The following ZMIZ1 variants were observed in gnomAD, a reference collection of about 807,000 sequenced individuals.
The protein encoded by ZMIZ1 is zinc finger MIZ-type containing 1.
In ZMIZ1, 17 loss-of-function variants were observed where a neutral mutation model predicts 113.9. The ratio of observed to expected loss-of-function variants is 0.15; its 90% CI spans 0.10 to 0.22. The LOEUF is 0.22. Among genes scored for constraint, ZMIZ1 ranks in the 10% least tolerant of loss-of-function variants. The pLI is 1.00. For synonymous variants in ZMIZ1, 607 were observed against 603.1 expected (o/e 1.01, Z -0.09); for missense variants, 1,059 against 1,477.8 (o/e 0.72, Z 4.65).
intron 21 of ZMIZ1, 40 bp from the exon 22 acceptor site, chr10:79,306,060 G>T: frequency 6.3e-7 from 1 of 1,593,072 alleles, no homozygotes; most frequent in South Asian, 1.1e-5. Flanking sequence ...CCAAAGCCAG[G>T]CACCCCGGAG....
At chr10:79,195,310 C>T (rs703965) in intron 4 of ZMIZ1, among the ~76,000 whole-genome samples, 64,017 of 152,078 alleles carry the variant, frequency 0.42, 13,669 homozygotes, top group Middle Eastern at 0.46. Flanking sequence ...GGGTCCTGAT[C>T]CCCCATGCTG....
intron 2 of ZMIZ1, among the ~76,000 whole-genome samples, chr10:79,132,485 G>A (rs1844814625): frequency 6.6e-6 from 1 of 152,236 alleles, no homozygotes; most frequent in African/African-American, 2.4e-5. Flanking sequence ...GAGGACTGTG[G>A]CATTCTGGAG....
At chr10:79,254,379 A>C (rs79574538) in intron 7 of ZMIZ1, among the ~76,000 whole-genome samples, 2,116 of 152,350 alleles carry the variant, frequency 0.014, 49 homozygotes, top group African/African-American at 0.049. Flanking sequence ...CTTTGGGGAC[A>C]TCAGTGCAGG....
intron 7 of ZMIZ1, among the ~76,000 whole-genome samples, chr10:79,237,213 G>C (rs2132810483): frequency 6.6e-6 from 1 of 152,346 alleles, no homozygotes; most frequent in East Asian, 1.9e-4. Flanking sequence ...AGGGGGACTG[G>C]AGGGAAATGA....
At chr10:79,289,178 G>A (rs140031183) in intron 8 of ZMIZ1, among the ~76,000 whole-genome samples, 7 of 152,278 alleles carry the variant, frequency 4.6e-5, no homozygotes, top group African/African-American at 1.7e-4. Context: ...AGAGATCGGG[G>A]TGGGGGCAGG....
rs540883046 is a variant in ZMIZ1, at chr10:79,297,555, G to C, written c.1414-58G>C. ...GTAGATTTTACTGTCCAGAGGGAGA[G>C]CGGGCTTCTGATGGCTTTTCTGCCC... On this transcript the variant is annotated intron_variant, in intron 13 of 24. Transcript: ENST00000334512. 2.6e-5 allele frequency: 38 copies of C among 1,450,312 alleles called. 2 individuals carry two copies. In the South Asian group the frequency reaches 4.1e-4, roughly 16 times the overall value. The allele number at this position is 1,450,312 out of a possible 1,614,324, so 89.8% of individuals were successfully genotyped here.
rs563372742 is a variant in ZMIZ1, at chr10:79,131,326, G to A, written c.-226-8356G>A. On this transcript the variant is annotated intron_variant, in intron 2 of 24. Transcript: ENST00000334512. ...AGCACGTGCCCACTCTGGCCTCTTC[G>A]GTGGCGGGGGATTGGGGATAGGTGG... 3.9e-5 allele frequency among the ~76,000 whole-genome samples: 6 copies of A among 152,196 alleles called. No homozygotes were observed. In the East Asian group the frequency reaches 5.8e-4, roughly 15 times the overall value.
chr10:79,303,592 G>C (rs1854481831), intron 18 of ZMIZ1, among the ~76,000 whole-genome samples: 1 of 152,198 alleles, frequency 6.6e-6, no homozygotes, highest in Non-Finnish European at 1.5e-5. Flanking sequence ...TGAGTCCTGG[G>C]ATTCCAGCAG....
intron 1 of ZMIZ1, among the ~76,000 whole-genome samples, chr10:79,095,643 G>A (rs1843143316): frequency 6.6e-6 from 1 of 152,196 alleles, no homozygotes; most frequent in Non-Finnish European, 1.5e-5. Flanking sequence ...CTTGGGCTTG[G>A]AACGCACCTA....
intron 1 of ZMIZ1, among the ~76,000 whole-genome samples, chr10:79,074,247 C>G (rs890557151): frequency 1.3e-5 from 2 of 152,242 alleles, no homozygotes; most frequent in African/African-American, 4.8e-5. Flanking sequence ...AACCCCTGCG[C>G]TGCCTCCTTT....
At chr10:79,164,868 G>A (rs1846257816) in intron 4 of ZMIZ1, among the ~76,000 whole-genome samples, 1 of 152,158 alleles carries the variant, frequency 6.6e-6, no homozygotes, top group Non-Finnish European at 1.5e-5. Context: ...TGGGGAGGCT[G>A]CACTGATCGG....
chr10:79,171,744 T>C lies in ZMIZ1; in HGVS notation c.-50+9611T>C, dbSNP rs573583548. Among the ~76,000 whole-genome samples the C allele has an allele frequency of 2.0e-5, 3 of 152,256 alleles. No homozygotes were observed. The South Asian group carries it at 6.2e-4, about 32-fold the overall frequency. ...GGAAGGCTTCCTGGAGGAGGATGAC[T>C]GTAATGGATTGACACTCAGAGCATT... On this transcript the variant is annotated intron_variant, in intron 4 of 24. Transcript: ENST00000334512.
intron 7 of ZMIZ1, among the ~76,000 whole-genome samples, chr10:79,242,478 C>A (rs1849888302): frequency 6.6e-6 from 1 of 152,190 alleles, no homozygotes; most frequent in Non-Finnish European, 1.5e-5. Flanking sequence ...CCTACCTTCT[C>A]CACCCCGTAG....
At chr10:79,308,431 G>T (rs184429956) in intron 23 of ZMIZ1, among the ~76,000 whole-genome samples, 445 of 152,320 alleles carry the variant, frequency 2.9e-3, no homozygotes, top group South Asian at 5.6e-3. Flanking sequence ...ATCTTGGGGA[G>T]GAGGGGCCAT....
chr10:79,271,650 C>T (rs1851957817), intron 7 of ZMIZ1, among the ~76,000 whole-genome samples: 1 of 152,158 alleles, frequency 6.6e-6, no homozygotes. Context: ...AATTTACACC[C>T]CATATCCAGT....
chr10:79,208,513 T>A, intron 6 of ZMIZ1, 64 bp downstream of exon 6: 1 of 1,397,952 alleles, frequency 7.2e-7, no homozygotes, highest in Non-Finnish European at 9.9e-7. Flanking sequence ...CTAGCGTGCC[T>A]GTCCAGGTTT....
At position 79,304,138 on chromosome 10, in the gene ZMIZ1, A is replaced by G. The variant is rs1276489696; in HGVS notation, c.2249A>G (p.Gln750Arg). 2.5e-6 allele frequency: 4 copies of G among 1,614,130 alleles called. No homozygotes were observed. In the South Asian group the frequency reaches 4.4e-5, roughly 18 times the overall value. ...TGCCCCATCACATTCCGGCGCATCC[A>G]GCTGCCTGCTCGAGGACACGATTGC... ...LKCPITFRRI[Q>R]LPARGHDCKH... is the part of the protein sequence containing the mutation. The change falls in exon 19 of 25, where the codon CAG (glutamine) becomes CGG (arginine). Residue 750 changes from glutamine to arginine, a missense_variant. Coordinates refer to ENST00000334512, the MANE Select transcript of ZMIZ1 (RefSeq NM_020338.4).
chr10:79,199,101 G>A (rs1847962089), intron 4 of ZMIZ1, among the ~76,000 whole-genome samples: 2 of 152,046 alleles, frequency 1.3e-5, no homozygotes, highest in Non-Finnish European at 2.9e-5. Flanking sequence ...CCCCAGAGCA[G>A]AGGGGCCTTG....
intron 8 of ZMIZ1, among the ~76,000 whole-genome samples, chr10:79,280,993 T>G (rs1188054599): frequency 6.6e-6 from 1 of 152,216 alleles, no homozygotes; most frequent in African/African-American, 2.4e-5. Flanking sequence ...CATCATCCTA[T>G]GTGTCATGAC....
Sources: gnomAD v4.1 joint callset for allele counts (sites outside exome capture counted in the v4.1 genomes callset) on GRCh38, gnomAD v4.1.1 for gene constraint, MANE v1.5 for transcripts, NCBI Gene and HGNC (gene_info 2026-07-23, HGNC 2026-07-21) for gene names.